The following SLC9B1 variants were observed in gnomAD, a reference collection of about 807,000 sequenced individuals.
SLC9B1 encodes solute carrier family 9 member B1, also known as sodium/hydrogen exchanger 9B1.
SLC9B1 carries 32 observed loss-of-function variants against 51.7 expected under a neutral mutation model. That is an observed-to-expected ratio of 0.62 (90% CI 0.47 to 0.83). The LOEUF (loss-of-function observed/expected upper bound fraction) is 0.83, where lower values mean the gene tolerates loss of function less well. Ranked by LOEUF, SLC9B1 falls within the 40% of genes least tolerant of loss-of-function variation. SLC9B1 has a pLI of 0.00. For missense variants in SLC9B1, 406 were observed against 613.2 expected (o/e 0.66, Z 3.57); for synonymous variants, 145 against 212.7 (o/e 0.68, Z 2.77).
intron 4 of SLC9B1, among the ~76,000 whole-genome samples, chr4:102,947,066 C>T (rs1297395773): frequency 1.3e-5 from 2 of 152,068 alleles, no homozygotes; most frequent in Non-Finnish European, 2.9e-5. Context: ...AAAGGTCTCC[C>T]CCCACTTTGG....
intron 3 of SLC9B1, among the ~76,000 whole-genome samples, chr4:102,974,416 T>C (rs991604307): frequency 6.6e-6 from 1 of 151,792 alleles, no homozygotes; most frequent in African/African-American, 2.4e-5. Flanking sequence ...GACACACTTC[T>C]GGTAAGATTG....
chr4:102,946,844 C>T (rs569260308), intron 4 of SLC9B1, 55 bp from the exon 5 acceptor site: 9 of 1,481,276 alleles, frequency 6.1e-6, no homozygotes, highest in African/African-American at 4.4e-5. Flanking sequence ...AGAAAGAAAA[C>T]GGAAATGTTT....
chr4:102,938,110 G>C (rs1736812242), intron 6 of SLC9B1, among the ~76,000 whole-genome samples: 1 of 152,130 alleles, frequency 6.6e-6, no homozygotes, highest in Admixed American at 6.5e-5. Context: ...AAGCCCAACT[G>C]TATCTGCTGT....
chr4:102,955,014 G>A (rs1737709465), intron 3 of SLC9B1, among the ~76,000 whole-genome samples: 1 of 152,188 alleles, frequency 6.6e-6, no homozygotes, highest in Admixed American at 6.5e-5. Context: ...CTTGAAAAAA[G>A]TGTTAGGGTT....
intron 6 of SLC9B1, among the ~76,000 whole-genome samples, chr4:102,938,389 C>G (rs1157485079): frequency 6.6e-6 from 1 of 152,126 alleles, no homozygotes; most frequent in Non-Finnish European, 1.5e-5. Context: ...TCATAGAGAC[C>G]TATAGAGAAA....
chr4:102,966,548 G>A (rs1738439120), intron 3 of SLC9B1, among the ~76,000 whole-genome samples: 1 of 152,170 alleles, frequency 6.6e-6, no homozygotes, highest in African/African-American at 2.4e-5. Flanking sequence ...TGCCATGGCT[G>A]GGGTGGCTGC....
At chr4:102,962,237 T>C (rs1560954219) in intron 3 of SLC9B1, 3 of 538,058 alleles carry the variant, frequency 5.6e-6, no homozygotes, top group Non-Finnish European at 1.1e-5. Context: ...AAGGAGAATG[T>C]TGAGGGGAGT....
intron 2 of SLC9B1, 70 bp from the exon 3 acceptor site, chr4:102,990,011 C>A (rs151243467): frequency 5.7e-6 from 7 of 1,220,600 alleles, no homozygotes; most frequent in Non-Finnish European, 8.0e-6. Flanking sequence ...AATAAACCAC[C>A]AAATTTTAGA....
chr4:102,949,487 A>C, intron 3 of SLC9B1, 60 bp from the exon 4 acceptor site: 1 of 1,349,474 alleles, frequency 7.4e-7, no homozygotes, highest in East Asian at 2.6e-5. Context: ...ATACAAACAA[A>C]GGATCAATTC....
intron 1 of SLC9B1, among the ~76,000 whole-genome samples, chr4:102,995,581 A>T (rs1260657416): frequency 2.6e-5 from 4 of 152,224 alleles, no homozygotes; most frequent in African/African-American, 9.6e-5. Context: ...ACAGGTTAAT[A>T]GCTATAAGAG....
At chr4:102,923,422 A>G (rs1232304123) in intron 7 of SLC9B1, among the ~76,000 whole-genome samples, 2 of 152,218 alleles carry the variant, frequency 1.3e-5, no homozygotes, top group Non-Finnish European at 2.9e-5. Flanking sequence ...TTAAAATAAT[A>G]AGAGCTATTT....
intron 5 of SLC9B1, 85 bp from the exon 6 acceptor site, chr4:102,945,405 T>G (rs2110472747): frequency 7.1e-7 from 1 of 1,404,248 alleles, no homozygotes; most frequent in East Asian, 2.4e-5. Context: ...TATAAAGTCT[T>G]TTTTCATAAG....
intron 11 of SLC9B1, among the ~76,000 whole-genome samples, chr4:102,903,573 C>A (rs1734886319): frequency 6.6e-6 from 1 of 152,224 alleles, no homozygotes; most frequent in African/African-American, 2.4e-5. Flanking sequence ...GCCCTATGAA[C>A]CTGCTTTTCT....
chr4:102,960,446 T>C (rs1281269375), intron 3 of SLC9B1, among the ~76,000 whole-genome samples: 2 of 151,974 alleles, frequency 1.3e-5, no homozygotes, highest in African/African-American at 4.8e-5. Context: ...ACTTAAATAA[T>C]TGTGAGTTAT....
intron 10 of SLC9B1, 117 bp downstream of exon 10, chr4:102,906,419 T>C (rs751078469): frequency 4.2e-5 from 23 of 548,740 alleles, no homozygotes; most frequent in Middle Eastern, 5.3e-4. Context: ...TGTATCAACA[T>C]GTGTTTCTGA....
chr4:102,954,686 T>C (rs1737691567), intron 3 of SLC9B1, among the ~76,000 whole-genome samples: 1 of 151,856 alleles, frequency 6.6e-6, no homozygotes, highest in Non-Finnish European at 1.5e-5. Flanking sequence ...TTTAAGAACA[T>C]ATGCCATTTT....
At chr4:102,887,511 A>G (rs1733991380) in intron 11 of SLC9B1, 1 of 774,102 alleles carries the variant, frequency 1.3e-6, no homozygotes, top group South Asian at 1.6e-5. Flanking sequence ...TGGTTGAACA[A>G]TTATTTCTTC....
intron 1 of SLC9B1, among the ~76,000 whole-genome samples, chr4:102,998,275 C>T (rs887947708): frequency 1.6e-4 from 25 of 152,050 alleles, no homozygotes; most frequent in Admixed American, 5.2e-4. Context: ...CAATATTTGC[C>T]CTTTTTTGTC....
chr4:102,895,116 T>C lies in SLC9B1; in HGVS notation c.1333-9788A>G, dbSNP rs371692437. 1.9e-4 allele frequency among the ~76,000 whole-genome samples: 29 copies of C among 152,242 alleles called. No homozygotes were observed. The East Asian group carries it at 5.2e-3, about 27-fold the overall frequency. On this transcript the variant is annotated intron_variant, in intron 11 of 11. Coordinates refer to the SLC9B1 transcript ENST00000394789. Reference sequence around the variant, plus strand: ...ATTGAGAGGAACTTTTCTCAGCAGATATCAGCACCTACTATAGAACTATTG... The same window carrying C: ...ATTGAGAGGAACTTTTCTCAGCAGACATCAGCACCTACTATAGAACTATTG...
Sources: gnomAD v4.1 joint callset for allele counts (sites outside exome capture counted in the v4.1 genomes callset) on GRCh38, gnomAD v4.1.1 for gene constraint, MANE v1.5 for transcripts, NCBI Gene and HGNC (gene_info 2026-07-23, HGNC 2026-07-21) for gene names.